Variants in EPHA3 observed in about 807,000 individuals in gnomAD.
EPHA3 encodes the protein ephrin type-A receptor 3.
In EPHA3, 42 loss-of-function variants were observed where a neutral mutation model predicts 107.1. That is an observed-to-expected ratio of 0.39 (90% confidence interval 0.31 to 0.51). The LOEUF (loss-of-function observed/expected upper bound fraction) is 0.51, where lower values mean the gene tolerates loss of function less well. Ranked by LOEUF, EPHA3 falls within the 20% of genes least tolerant of loss-of-function variation. EPHA3 has a pLI of 0.78. For missense variants in EPHA3, 1,183 were observed against 1,211.2 expected (o/e 0.98, Z 0.35); for synonymous variants, 461 against 424.8 (o/e 1.09, Z -1.05).
chr3:89,435,486 A>G (rs988819970), intron 13 of EPHA3, among the ~76,000 whole-genome samples: 45 of 145,548 alleles, frequency 3.1e-4, no homozygotes, highest in Non-Finnish European at 5.4e-4. Context: ...TAAATAATAT[A>G]TAATATATAT....
At position 89,472,690 on chromosome 3, in the gene EPHA3, T is replaced by G. The variant is rs1368927332; in HGVS notation, c.2846+71T>G. 16 of 871,346 alleles carry G rather than the reference T, an allele frequency of 1.8e-5. No homozygotes were observed. The East Asian group carries it at 3.4e-4, about 19-fold the overall frequency. The allele number at this position is 871,346 out of a possible 1,614,324, so 54.0% of individuals were successfully genotyped here. On this transcript the variant is annotated intron_variant, in intron 16 of 16. Transcript: ENST00000336596. ...CTTTCTTGGCTTGACATGAAAGATT[T>G]GTAACATCTTGGCTTGACATGTTAC... is the stretch of plus-strand genomic sequence containing the variant.
chr3:89,120,840 G>T (rs1044571961), intron 1 of EPHA3, among the ~76,000 whole-genome samples: 4 of 152,132 alleles, frequency 2.6e-5, no homozygotes, highest in African/African-American at 9.7e-5. Context: ...TAATGAGAAA[G>T]AATAAGTTAA....
In EPHA3 at chr3:89,450,169, T is replaced by C; in HGVS notation, c.2497-8T>C. 1 of 1,560,016 alleles carries C rather than the reference T, an allele frequency of 6.4e-7. No individual in the cohort carries two copies. Among genetic ancestry groups the C allele is most frequent in the Non-Finnish European group, 8.7e-7 (1 of 1,151,200 alleles). On this transcript the variant is annotated splice_region_variant and splice_polypyrimidine_tract_variant and intron_variant, in intron 14 of 16. Transcript: ENST00000336596. ...TCCTGGTTCCTGAAAACTTTGCTTC[T>C]CACACAGGTAATTAAAGCTGTAGAT...
intron 7 of EPHA3, chr3:89,399,720 G>C (rs960230538): frequency 1.7e-6 from 2 of 1,204,718 alleles, no homozygotes; most frequent in African/African-American, 1.7e-5. Context: ...TGCCTGAAAT[G>C]CTTCTGTTTT....
intron 6 of EPHA3, among the ~76,000 whole-genome samples, chr3:89,396,805 GT>G (rs144930837): frequency 0.011 from 1,720 of 152,238 alleles, 37 homozygotes; most frequent in African/African-American, 0.039. Context: ...TTATATAGCA[GT>G]TTATATTTAC....
At chr3:89,392,965 C>T (rs1458440197) in intron 5 of EPHA3, among the ~76,000 whole-genome samples, 1 of 152,014 alleles carries the variant, frequency 6.6e-6, no homozygotes. Context: ...TCTCTTTCTC[C>T]ATTATGTTTT....
At chr3:89,459,741 T>A (rs1362699584) in intron 15 of EPHA3, among the ~76,000 whole-genome samples, 1 of 152,168 alleles carries the variant, frequency 6.6e-6, no homozygotes, top group Non-Finnish European at 1.5e-5. Context: ...CAGGCTGGTC[T>A]CGAACTCCTG....
At chr3:89,191,401 G>A (rs1026106475) in intron 2 of EPHA3, among the ~76,000 whole-genome samples, 1 of 151,756 alleles carries the variant, frequency 6.6e-6, no homozygotes, top group African/African-American at 2.4e-5. Flanking sequence ...CCGCTTCCTG[G>A]GTTCACACCA....
At chr3:89,250,450 C>T (rs1339975878) in intron 3 of EPHA3, among the ~76,000 whole-genome samples, 1 of 152,074 alleles carries the variant, frequency 6.6e-6, no homozygotes, top group African/African-American at 2.4e-5. Flanking sequence ...CTTTATCTAC[C>T]CTATTATCAC....
intron 3 of EPHA3, among the ~76,000 whole-genome samples, chr3:89,246,965 G>A (rs1306929439): frequency 2.0e-5 from 3 of 152,110 alleles, no homozygotes; most frequent in Non-Finnish European, 4.4e-5. Context: ...GCAAATGTTA[G>A]CATATAGCAT....
chr3:89,346,890 CT>C (rs1222948852), intron 5 of EPHA3, among the ~76,000 whole-genome samples: 1 of 146,380 alleles, frequency 6.8e-6, no homozygotes, highest in East Asian at 2.0e-4. Flanking sequence ...TTCCCCATTG[CT>C]TGTTTTTCTC....
At chr3:89,177,327 G>A (rs1344643048) in intron 2 of EPHA3, among the ~76,000 whole-genome samples, 1 of 152,148 alleles carries the variant, frequency 6.6e-6, no homozygotes, top group Non-Finnish European at 1.5e-5. Flanking sequence ...ACAACTGAGT[G>A]TTAAAATCTC....
intron 3 of EPHA3, among the ~76,000 whole-genome samples, chr3:89,301,757 T>C (rs1706495897): frequency 6.6e-6 from 1 of 152,098 alleles, no homozygotes; most frequent in East Asian, 1.9e-4. Flanking sequence ...TGTATTCTAA[T>C]TTTTTATTCT....
intron 16 of EPHA3, 150 bp from the exon 17 acceptor site, chr3:89,479,247 A>C: frequency 4.8e-6 from 3 of 630,718 alleles, no homozygotes; most frequent in Non-Finnish European, 5.7e-6. Flanking sequence ...AGATGGTGGA[A>C]CGGTCCGGAC....
At chr3:89,394,558 A>G (rs1708810265) in intron 5 of EPHA3, among the ~76,000 whole-genome samples, 1 of 152,214 alleles carries the variant, frequency 6.6e-6, no homozygotes, top group Non-Finnish European at 1.5e-5. Flanking sequence ...GAAGTGGCAC[A>G]AGGCAAGCAT....
chr3:89,127,297 G>T (rs772635643), intron 2 of EPHA3, 24 bp downstream of exon 2: 2 of 1,578,908 alleles, frequency 1.3e-6, no homozygotes, highest in Admixed American at 3.4e-5. Flanking sequence ...ACTATCACAA[G>T]GAAACATTTT....
intron 3 of EPHA3, among the ~76,000 whole-genome samples, chr3:89,308,966 A>T (rs1706698100): frequency 6.6e-6 from 1 of 152,162 alleles, no homozygotes; most frequent in South Asian, 2.1e-4. Context: ...AGCATCTGGG[A>T]GGCAAACAGA....
intron 3 of EPHA3, among the ~76,000 whole-genome samples, chr3:89,236,255 T>C (rs1293299231): frequency 1.3e-5 from 2 of 151,996 alleles, no homozygotes; most frequent in Admixed American, 1.3e-4. Context: ...CCCTTGCATA[T>C]GTTTAGCAAG....
At chr3:89,208,525 A>G (rs904860116) in intron 2 of EPHA3, among the ~76,000 whole-genome samples, 3 of 149,710 alleles carry the variant, frequency 2.0e-5, no homozygotes, top group African/African-American at 4.9e-5. Flanking sequence ...GAAGGAAGGG[A>G]AAGAAAGAAA....
Sources: allele counts gnomAD v4.1 joint callset (sites outside exome capture counted in the v4.1 genomes callset), GRCh38; gene constraint gnomAD v4.1.1; transcripts MANE v1.5; gene names NCBI Gene and HGNC (gene_info 2026-07-23, HGNC 2026-07-21).